MMS22L: variants seen among roughly 807,000 people sequenced by gnomAD.
MMS22L encodes MMS22 like, DNA repair protein.
Under a neutral mutation model 159.1 loss-of-function variants are expected in MMS22L, and 74 were observed. The ratio of observed to expected loss-of-function variants is 0.47; its 90% CI spans 0.39 to 0.56. MMS22L has a LOEUF of 0.56. MMS22L is among the 20% of genes least tolerant of loss of function. The pLI, the probability that MMS22L is intolerant of heterozygous loss-of-function variation, is 0.00. For synonymous variants in MMS22L, 517 were observed against 506.9 expected (o/e 1.02, Z -0.27); for missense variants, 1,351 against 1,422.1 (o/e 0.95, Z 0.80).
intron 21 of MMS22L, among the ~76,000 whole-genome samples, chr6:97,163,605 T>G (rs536323302): frequency 7.7e-4 from 117 of 152,234 alleles, no homozygotes; most frequent in African/African-American, 2.7e-3. Flanking sequence ...GTACTATAAT[T>G]ACTTATGCAA....
At chr6:97,264,600 A>T (rs1468000167) in intron 8 of MMS22L, 2 of 152,186 alleles carry the variant, frequency 1.3e-5, no homozygotes, top group Admixed American at 6.5e-5. Context: ...AAGAAATGTT[A>T]AAATTGTTGC....
intron 10 of MMS22L, among the ~76,000 whole-genome samples, chr6:97,250,169 G>A (rs1316567804): frequency 2.0e-5 from 3 of 151,986 alleles, no homozygotes; most frequent in African/African-American, 7.2e-5. Flanking sequence ...AGTTAAATCT[G>A]CTGATAGAAA....
At chr6:97,197,088 G>A (rs757238775) in intron 14 of MMS22L, among the ~76,000 whole-genome samples, 2 of 152,094 alleles carry the variant, frequency 1.3e-5, no homozygotes, top group Non-Finnish European at 2.9e-5. Context: ...CACGCTGGAT[G>A]TTAAAATTTA....
In MMS22L at chr6:97,240,340, C is replaced by T. The variant is rs368261910; in HGVS notation, c.1182+6288G>A. Among the ~76,000 whole-genome samples the T allele has an allele frequency of 6.0e-4, 91 of 152,268 alleles. 1 individual carries two copies. In the South Asian group the frequency reaches 0.018, roughly 31 times the overall value. On this transcript the variant is annotated intron_variant, in intron 11 of 24. Coordinates refer to ENST00000683635, the MANE Select transcript of MMS22L (RefSeq NM_001350599.2). ...ATAGGAAAGATATTTTGACTTTATGCTAGACCTAAATTCATAGAGCATGTT... is the reference window on the plus strand; with the variant it reads ...ATAGGAAAGATATTTTGACTTTATGTTAGACCTAAATTCATAGAGCATGTT...
At chr6:97,195,741 T>C (rs753377419) in intron 14 of MMS22L, among the ~76,000 whole-genome samples, 9 of 152,146 alleles carry the variant, frequency 5.9e-5, no homozygotes, top group Non-Finnish European at 1.3e-4. Flanking sequence ...AAAAAAGTGC[T>C]TTGGGAAAGA....
At chr6:97,206,498 A>T (rs901919853) in intron 14 of MMS22L, among the ~76,000 whole-genome samples, 6 of 152,106 alleles carry the variant, frequency 3.9e-5, no homozygotes, top group Admixed American at 2.6e-4. Context: ...GCTTTTTATA[A>T]TGAACTATAT....
intron 13 of MMS22L, among the ~76,000 whole-genome samples, chr6:97,229,953 A>G (rs1810678079): frequency 6.6e-6 from 1 of 152,194 alleles, no homozygotes; most frequent in Admixed American, 6.5e-5. Context: ...TCTCCCATCA[A>G]TACTATTTAA....
At chr6:97,237,698 T>C (rs759155319) in intron 11 of MMS22L, among the ~76,000 whole-genome samples, 2 of 152,190 alleles carry the variant, frequency 1.3e-5, no homozygotes, top group African/African-American at 2.4e-5. Context: ...AGTAGAGTTA[T>C]GGCTTAGGGA....
Position 97,151,795 on chromosome 6 carries a change from G to T in MMS22L, c.3458C>A (p.Ser1153Tyr). The change falls in exon 23 of 25, where the codon TCC becomes TAC. Residue 1153 changes from serine (S) to tyrosine (Y), a missense_variant. Coordinates refer to ENST00000683635, the MANE Select transcript of MMS22L (RefSeq NM_001350599.2). The part of the protein sequence containing the change: ...ACQVGSEEEP[S>Y]SQLTSVFRQF... ...CCTAAACACAGAAGTCAGCTGGGAG[G>T]AAGGTTCTTCTTCTGACCCCACTTG... 1 of 1,613,632 alleles carries T rather than the reference G, an allele frequency of 6.2e-7. No individual in the cohort carries two copies. Among genetic ancestry groups the T allele is most frequent in the Non-Finnish European group, 8.5e-7 (1 of 1,179,680 alleles).
intron 5 of MMS22L, 38 bp from the exon 6 acceptor site, chr6:97,272,919 G>C (rs1183970275): frequency 1.1e-5 from 18 of 1,606,618 alleles, no homozygotes; most frequent in East Asian, 4.5e-5. Context: ...ACTAGAGTCT[G>C]TGTGAATACA....
At chr6:97,250,884 C>T (rs1037094718) in intron 10 of MMS22L, among the ~76,000 whole-genome samples, 2 of 152,112 alleles carry the variant, frequency 1.3e-5, no homozygotes. Context: ...TCTCTCACTC[C>T]AGATTACTTG....
intron 14 of MMS22L, among the ~76,000 whole-genome samples, chr6:97,217,678 A>G (rs1809169497): frequency 6.6e-6 from 1 of 152,222 alleles, no homozygotes; most frequent in Non-Finnish European, 1.5e-5. Context: ...GGGCATAGCA[A>G]ATAAAAAACC....
chr6:97,210,575 C>A (rs966701470), intron 14 of MMS22L, among the ~76,000 whole-genome samples: 1 of 151,880 alleles, frequency 6.6e-6, no homozygotes, highest in Non-Finnish European at 1.5e-5. Context: ...CTGGTGCCCA[C>A]TAGTACATTC....
chr6:97,155,535 C>A (rs973684314), intron 22 of MMS22L, among the ~76,000 whole-genome samples: 5 of 152,122 alleles, frequency 3.3e-5, no homozygotes, highest in Non-Finnish European at 7.4e-5. Context: ...CATTGTTCAA[C>A]TCCCACTTAT....
chr6:97,269,161 A>G (rs1328879065), intron 7 of MMS22L, among the ~76,000 whole-genome samples: 1 of 152,148 alleles, frequency 6.6e-6, no homozygotes, highest in Non-Finnish European at 1.5e-5. Context: ...AATAAAACGT[A>G]AAGATGTTCA....
intron 14 of MMS22L, among the ~76,000 whole-genome samples, chr6:97,200,120 T>C (rs78423996): frequency 2.6e-5 from 4 of 152,260 alleles, no homozygotes; most frequent in East Asian, 3.9e-4. Flanking sequence ...AGGAGGAATG[T>C]TTAATATGAA....
chr6:97,257,662 A>G (rs1475917661), intron 9 of MMS22L, among the ~76,000 whole-genome samples: 1 of 152,064 alleles, frequency 6.6e-6, no homozygotes, highest in Admixed American at 6.6e-5. Flanking sequence ...CCTGGGCTCA[A>G]GCAATCCTCT....
rs557574248 is a variant in MMS22L, at chr6:97,151,544, A to G, written c.3482+227T>C. ...TGTTCATGCAAGATTCTTCCTCACT[A>G]AATTCACAGGTAATTTTAAGTCCCC... On this transcript the variant is annotated intron_variant, in intron 23 of 24. Transcript: ENST00000683635. The G allele has an allele frequency of 8.2e-5, 37 of 449,180 alleles. No individual in the cohort carries two copies. In the South Asian group the frequency reaches 8.5e-4, roughly 10 times the overall value. 27.8% of individuals were successfully genotyped at this position (449,180 alleles called of 1,614,324 possible).
At position 97,216,729 on chromosome 6, in the gene MMS22L, C is replaced by T. The variant is rs746626987; in HGVS notation, c.2039+12165G>A. On this transcript the variant is annotated intron_variant, in intron 14 of 24. Transcript: ENST00000683635. ...ACTCATTGCTGAATTTCATCTAAAG[C>T]TTCAAAGATCTGGGTGGTCTAAACA... is the stretch of plus-strand genomic sequence containing the variant. Among the ~76,000 whole-genome samples the T allele has an allele frequency of 3.4e-4, 51 of 152,190 alleles. 1 individual carries two copies. Among genetic ancestry groups the T allele is most frequent in the Non-Finnish European group, 6.6e-4 (45 of 68,040 alleles).
Sources: allele counts gnomAD v4.1 joint callset (sites outside exome capture counted in the v4.1 genomes callset), GRCh38; gene constraint gnomAD v4.1.1; transcripts MANE v1.5; gene names NCBI Gene and HGNC (gene_info 2026-07-23, HGNC 2026-07-21).